Variants in JMJD1C observed in about 807,000 individuals in gnomAD.
JMJD1C encodes the protein jumonji domain containing 1C, also known as jumonji domain-containing protein 1C.
A neutral mutation model predicts 245.3 loss-of-function variants in JMJD1C; 31 were observed. The observed-to-expected ratio is 0.13, with a 90% CI of 0.09 to 0.17. JMJD1C has a LOEUF of 0.17. Among genes scored for constraint, JMJD1C ranks in the 10% least tolerant of loss-of-function variants. JMJD1C has a pLI of 1.00. For synonymous variants in JMJD1C, 1,057 were observed against 1,017.4 expected, an observed-to-expected ratio of 1.04 and a Z score of -0.74; for missense variants, 2,691 against 3,000.2, an observed-to-expected ratio of 0.90 and a Z score of 2.41.
chr10:63,188,781 A>G (rs997814786), intron 18 of JMJD1C, among the ~76,000 whole-genome samples: 15 of 152,206 alleles, frequency 9.9e-5, no homozygotes, highest in Non-Finnish European at 2.1e-4. Context: ...AAGAACATCT[A>G]CATAGGTTCA....
chr10:63,357,221 A>G (rs1055982543), intron 2 of JMJD1C, among the ~76,000 whole-genome samples: 3 of 152,036 alleles, frequency 2.0e-5, no homozygotes, highest in Non-Finnish European at 4.4e-5. Context: ...TTTAGTAGAG[A>G]TGGGATTTCA....
intron 1 of JMJD1C, among the ~76,000 whole-genome samples, chr10:63,510,548 T>C (rs1954843960): frequency 1.3e-5 from 2 of 152,250 alleles, no homozygotes; most frequent in African/African-American, 4.8e-5. Context: ...TTTAATTTTA[T>C]TGTGCTTTGA....
intron 2 of JMJD1C, among the ~76,000 whole-genome samples, chr10:63,277,786 G>A (rs1443116678): frequency 8.6e-6 from 1 of 116,444 alleles, no homozygotes; most frequent in Non-Finnish European, 1.6e-5. Context: ...CTCCCAGGCT[G>A]GAGTGCAATC....
At position 63,387,200 on chromosome 10, in the gene JMJD1C, T is replaced by G. The variant is rs561142896; in HGVS notation, c.169-6718A>C. 9.2e-5 allele frequency among the ~76,000 whole-genome samples: 14 copies of G among 152,280 alleles called. No individual in the cohort carries two copies. The East Asian group carries it at 2.7e-3, about 29-fold the overall frequency. On this transcript the variant is annotated intron_variant, in intron 1 of 25. Coordinates refer to ENST00000399262, the MANE Select transcript of JMJD1C (RefSeq NM_032776.3). ...CCCTATGAAAGGAAATTCAAACTAT[T>G]GGAAGAAGTGACTGTCAATACCTGA...
rs1382683533 is a variant in JMJD1C at position 63,213,926 on chromosome 10, G to A, written c.2241C>T (p.Thr747=). Residue 747 remains threonine (T), a synonymous_variant, in exon 8 of 26, where the codon ACC becomes ACT. Transcript: ENST00000399262. ...PFPLHSSSHR[T]CLNPGTHHPA... ...GATGATGGGTACCTGGATTTAAACA[G>A]GTTCTATGAGATGAGGAGTGAAGAG... The A allele has an allele frequency of 1.2e-6, 2 of 1,614,140 alleles. No homozygotes were observed. The highest frequency in any genetic ancestry group is 2.2e-5 in the East Asian group (1 of 44,872).
intron 2 of JMJD1C, among the ~76,000 whole-genome samples, chr10:63,298,168 C>A (rs926742995): frequency 2.0e-5 from 3 of 152,204 alleles, no homozygotes; most frequent in Non-Finnish European, 4.4e-5. Flanking sequence ...GTCACACACC[C>A]CTCACCACTC....
chr10:63,234,493 T>TCAAAAAAAAAA (rs1850423515), intron 3 of JMJD1C, among the ~76,000 whole-genome samples: 1 of 37,026 alleles, frequency 2.7e-5, no homozygotes, highest in Non-Finnish European at 4.8e-5. Flanking sequence ...AACCTCCTCT[T>TCAAAAAAAAAA]AAAAAAAAAA....
In JMJD1C at chr10:63,296,013, A is replaced by ATTTTTTTTT. The variant is rs373671324; in HGVS notation, c.334-31258_334-31250dup. 2.0e-4 allele frequency among the ~76,000 whole-genome samples: 17 copies of ATTTTTTTTT among 84,278 alleles called. 2 individuals are homozygous for ATTTTTTTTT. Among genetic ancestry groups the ATTTTTTTTT allele is most frequent in the African/African-American group, 3.3e-4 (8 of 24,044 alleles). The allele number at this position is 84,278 out of a possible 152,430, so 55.3% of individuals were successfully genotyped here. ...TGTGTGTGTGTGTGTGTATATATAT[A>ATTTTTTTTT]TTTTTTTTTTTTTCTTAGATGGAGT... On this transcript the variant is annotated intron_variant, in intron 2 of 25. Coordinates refer to ENST00000399262, the MANE Select transcript of JMJD1C (RefSeq NM_032776.3).
intron 1 of JMJD1C, among the ~76,000 whole-genome samples, chr10:63,430,726 C>T (rs1276823741): frequency 6.6e-6 from 1 of 152,082 alleles, no homozygotes; most frequent in East Asian, 1.9e-4. Flanking sequence ...TAATTTTATG[C>T]TATGTAAATT....
chr10:63,335,070 C>A, intron 2 of JMJD1C, among the ~76,000 whole-genome samples: 1 of 147,420 alleles, frequency 6.8e-6, no homozygotes, highest in African/African-American at 2.5e-5. Flanking sequence ...TAAGGAGTTC[C>A]AGTCCTTCAC....
At chr10:63,396,329 C>A (rs776786473) in intron 1 of JMJD1C, among the ~76,000 whole-genome samples, 5 of 152,160 alleles carry the variant, frequency 3.3e-5, no homozygotes, top group Non-Finnish European at 7.3e-5. Flanking sequence ...ACTTATACCC[C>A]ATTATCACAG....
chr10:63,284,169 C>T (rs1016709854), intron 2 of JMJD1C, among the ~76,000 whole-genome samples: 5 of 151,922 alleles, frequency 3.3e-5, no homozygotes, highest in Admixed American at 6.6e-5. Flanking sequence ...GGGATACAGG[C>T]GCGCACCAAC....
chr10:63,386,481 G>A (rs1296323428), intron 1 of JMJD1C, among the ~76,000 whole-genome samples: 1 of 152,222 alleles, frequency 6.6e-6, no homozygotes, highest in African/African-American at 2.4e-5. Flanking sequence ...GGAACCTGAG[G>A]ACGGGTCTGC....
chr10:63,281,573 C>T (rs1053519161), intron 2 of JMJD1C, among the ~76,000 whole-genome samples: 4 of 137,796 alleles, frequency 2.9e-5, no homozygotes, highest in South Asian at 2.4e-4. Flanking sequence ...CGGGTTCAAG[C>T]GGTTATCCTG....
At chr10:63,465,174 C>T in intron 1 of JMJD1C, 1 of 344,726 alleles carries the variant, frequency 2.9e-6, no homozygotes, top group East Asian at 5.1e-5. Context: ...GGACTCGCGG[C>T]TCCGCCTTTC....
intron 1 of JMJD1C, among the ~76,000 whole-genome samples, chr10:63,395,714 A>G (rs1948441218): frequency 6.6e-6 from 1 of 152,230 alleles, no homozygotes; most frequent in Non-Finnish European, 1.5e-5. Flanking sequence ...GATGTCCCCA[A>G]AATGAAGTGG....
chr10:63,203,137 G>A (rs933629707), intron 10 of JMJD1C: 2 of 984,746 alleles, frequency 2.0e-6, no homozygotes, highest in African/African-American at 1.7e-5. Flanking sequence ...TTCATACGTA[G>A]AGCTTTTGAT....
chr10:63,310,017 T>C (rs1938942405), intron 2 of JMJD1C, among the ~76,000 whole-genome samples: 1 of 152,206 alleles, frequency 6.6e-6, no homozygotes, highest in Admixed American at 6.5e-5. Flanking sequence ...GCTGTATTTC[T>C]CTATATCAGT....
At chr10:63,477,262 T>A (rs552732521) in intron 1 of JMJD1C, among the ~76,000 whole-genome samples, 1 of 152,098 alleles carries the variant, frequency 6.6e-6, no homozygotes, top group African/African-American at 2.4e-5. Context: ...TAAGTTAAGA[T>A]GAAGAAACTG....
Sources: gnomAD v4.1 joint callset for allele counts (sites outside exome capture counted in the v4.1 genomes callset) on GRCh38, gnomAD v4.1.1 for gene constraint, MANE v1.5 for transcripts, NCBI Gene and HGNC (gene_info 2026-07-23, HGNC 2026-07-21) for gene names.